IGF2R: variants seen among roughly 807,000 people sequenced by gnomAD.
IGF2R encodes the protein cation-independent mannose-6-phosphate receptor.
IGF2R carries 91 observed loss-of-function variants against 270.6 expected under a neutral mutation model. The ratio of observed to expected loss-of-function variants is 0.34; its 90% confidence interval spans 0.28 to 0.40. The LOEUF is 0.40. Among genes scored for constraint, IGF2R ranks in the 10% least tolerant of loss-of-function variants. IGF2R has a pLI of 1.00. For missense variants in IGF2R, 2,805 were observed against 3,188.3 expected (o/e 0.88, Z 2.90); for synonymous variants, 1,316 against 1,258.9 (o/e 1.05, Z -0.96).
intron 2 of IGF2R, chr6:160,003,639 A>G (rs76653049): frequency 6.6e-6 from 1 of 152,216 alleles, no homozygotes; most frequent in Non-Finnish European, 1.5e-5. Context: ...GTTAATGTTT[A>G]TTTATAATAA....
chr6:160,000,892 C>T (rs928700650), intron 2 of IGF2R, among the ~76,000 whole-genome samples: 18 of 151,746 alleles, frequency 1.2e-4, no homozygotes, highest in African/African-American at 3.9e-4. Context: ...CCACCATGTC[C>T]GGCTAATTTT....
At chr6:160,046,826 C>G (rs143178225) in intron 15 of IGF2R, among the ~76,000 whole-genome samples, 181 bp downstream of exon 15, 146 of 152,328 alleles carry the variant, frequency 9.6e-4, no homozygotes, top group African/African-American at 3.3e-3. Flanking sequence ...AAGGAGCAGG[C>G]CCATCCTTGG....
rs12110695 is a variant in IGF2R, at chr6:159,986,562, A to G, written c.150-4622A>G. On this transcript the variant is annotated intron_variant, in intron 1 of 47. Coordinates refer to ENST00000356956, the MANE Select transcript of IGF2R (RefSeq NM_000876.4). The stretch of plus-strand genomic sequence containing the variant: ...TGATTACAGGCATGTGCCACTGCGC[A>G]TGGCCTGAAGTTCTTTCTTTCAGAA... Among the ~76,000 whole-genome samples, 1,026 of 151,976 alleles carry G rather than the reference A, an allele frequency of 6.8e-3. 14 individuals are homozygous for G. The highest frequency in any genetic ancestry group is 0.023 in the African/African-American group (960 of 41,452).
At chr6:160,095,747 T>C (rs954085526) in intron 44 of IGF2R, 2 of 152,480 alleles carry the variant, frequency 1.3e-5, no homozygotes, top group Admixed American at 1.3e-4. Context: ...GCCATCCTAA[T>C]GTATGTCTCT....
chr6:160,045,878 G>C lies in IGF2R; in HGVS notation c.1899G>C (p.Gln633His). ...AGAACTGCACGGTCTTTGACTCCCA[G>C]GCAGGTCTGTGTCCAAGCAGGACCT... ...EGENCTVFDS[Q>H]AGFSFDLSPL... Residue 633 changes from glutamine to histidine, a missense_variant, in exon 14 of 48, where the codon CAG becomes CAC. By Grantham distance (24) the Gln-to-His change is conservative. Transcript: ENST00000356956. The C allele has an allele frequency of 6.4e-7, 1 of 1,557,984 alleles. No individual in the cohort carries two copies. Among genetic ancestry groups the C allele is most frequent in the Non-Finnish European group, 8.7e-7 (1 of 1,154,620 alleles).
chr6:160,019,483 C>T, intron 4 of IGF2R, among the ~76,000 whole-genome samples: 2 of 152,258 alleles, frequency 1.3e-5, no homozygotes, highest in East Asian at 3.9e-4. Context: ...CCAATATTAT[C>T]CTGATAACCA....
chr6:160,062,168 A>ATTTTTTTTTTTTTTTTTTTTTTTTTTTT (rs34356477), intron 25 of IGF2R, among the ~76,000 whole-genome samples: 1 of 106,620 alleles, frequency 9.4e-6, no homozygotes, highest in Non-Finnish European at 1.8e-5. Context: ...CATTTATTTA[A>ATTTTTTTTTTTTTTTTTTTTTTTTTTTT]TTTTTTTTTT....
chr6:160,022,374 C>G (rs1196600923), intron 4 of IGF2R, among the ~76,000 whole-genome samples: 1 of 152,172 alleles, frequency 6.6e-6, no homozygotes, highest in Non-Finnish European at 1.5e-5. Context: ...TACAACTGCA[C>G]TCGGTCCTCC....
chr6:160,065,816 A>ATATATATATATATATG (rs1778568782), intron 29 of IGF2R, among the ~76,000 whole-genome samples: 1 of 42,490 alleles, frequency 2.4e-5, no homozygotes, highest in Admixed American at 3.1e-4. Context: ...GTGTGTGTGT[A>ATATATATATATATATG]TATATATATA....
chr6:160,052,193 G>T (rs1213266307), intron 19 of IGF2R, among the ~76,000 whole-genome samples: 1 of 152,186 alleles, frequency 6.6e-6, no homozygotes. Flanking sequence ...AACAGAGCAA[G>T]ATCCTGTTTC....
At chr6:160,030,635 T>C (rs1036182689) in intron 7 of IGF2R, among the ~76,000 whole-genome samples, 2 of 148,818 alleles carry the variant, frequency 1.3e-5, no homozygotes, top group African/African-American at 2.4e-5. Flanking sequence ...CAGTGAGATG[T>C]TCTCAGGCGG....
rs1296470584 is a variant in IGF2R at position 159,969,216 on chromosome 6, C to A, written c.-31C>A. On this transcript the variant is annotated 5_prime_UTR_variant, in exon 1 of 48. Coordinates refer to ENST00000356956, the MANE Select transcript of IGF2R (RefSeq NM_000876.4). ...CCCAGCAGTCGCGCGCCGTTAGCCTCGCGCCCGCCGCGCAGTCCGGGCCCG... is the reference window on the plus strand; with the variant it reads ...CCCAGCAGTCGCGCGCCGTTAGCCTAGCGCCCGCCGCGCAGTCCGGGCCCG... 5.1e-6 allele frequency: 5 copies of A among 984,414 alleles called. No individual in the cohort carries two copies. Among genetic ancestry groups the A allele is most frequent in the Non-Finnish European group, 4.8e-6 (4 of 830,262 alleles). The allele number at this position is 984,414 out of a possible 1,614,324, so 61.0% of individuals were successfully genotyped here.
chr6:160,080,268 C>T lies in IGF2R; in HGVS notation c.5826C>T (p.Cys1942=), dbSNP rs757634350. 5 of 1,613,764 alleles carry T rather than the reference C, an allele frequency of 3.1e-6. No homozygotes were observed. The highest frequency in any genetic ancestry group is 2.2e-5 in the East Asian group (1 of 44,890). ...DYDRDHEWGF[C]RHSNSYRTSS... Reference sequence around the variant, plus strand: ...ACAGAGACCACGAGTGGGGCTTCTGCAGACACTGTGAGTAGGACGGCTCCG... The same window carrying T: ...ACAGAGACCACGAGTGGGGCTTCTGTAGACACTGTGAGTAGGACGGCTCCG... The change falls in exon 39 of 48, where the codon TGC becomes TGT. Residue 1942 remains cysteine, a synonymous_variant. Transcript: ENST00000356956.
chr6:159,985,004 C>G (rs1783860837), intron 1 of IGF2R, among the ~76,000 whole-genome samples: 1 of 152,086 alleles, frequency 6.6e-6, no homozygotes, highest in Non-Finnish European at 1.5e-5. Flanking sequence ...TTCCTGGTTC[C>G]AGGCCTCTAC....
At chr6:160,048,032 G>A in intron 17 of IGF2R, 125 bp downstream of exon 17, 1 of 725,074 alleles carries the variant, frequency 1.4e-6, no homozygotes, top group Non-Finnish European at 2.4e-6. Flanking sequence ...GCAGGACCAA[G>A]GTGGGGCATT....
intron 2 of IGF2R, among the ~76,000 whole-genome samples, chr6:160,002,791 G>T (rs938282558): frequency 6.6e-6 from 1 of 152,024 alleles, no homozygotes; most frequent in Non-Finnish European, 1.5e-5. Flanking sequence ...ATACTGTGTC[G>T]TAAGTCTGAA....
At chr6:159,994,105 A>G (rs1347888353) in intron 2 of IGF2R, among the ~76,000 whole-genome samples, 1 of 139,874 alleles carries the variant, frequency 7.1e-6, no homozygotes, top group Non-Finnish European at 1.5e-5. Flanking sequence ...TTCTTGGGAG[A>G]TTTTTAAAGT....
chr6:160,088,848 C>T (rs1450637599), intron 42 of IGF2R, among the ~76,000 whole-genome samples: 1 of 152,210 alleles, frequency 6.6e-6, no homozygotes, highest in African/African-American at 2.4e-5. Context: ...CAGTCATCTT[C>T]CCTGTCCATT....
intron 25 of IGF2R, 87 bp downstream of exon 25, chr6:160,062,015 T>A: frequency 1.5e-6 from 2 of 1,317,880 alleles, no homozygotes; most frequent in Non-Finnish European, 2.1e-6. Context: ...CTATCTTGTT[T>A]AAAACTTGCC....
Sources: gnomAD v4.1 joint callset for allele counts (sites outside exome capture counted in the v4.1 genomes callset) on GRCh38, gnomAD v4.1.1 for gene constraint, MANE v1.5 for transcripts, NCBI Gene and HGNC (gene_info 2026-07-23, HGNC 2026-07-21) for gene names.